Variants in GRM8 observed in about 807,000 individuals in gnomAD.
GRM8 encodes metabotropic glutamate receptor 8.
Under a neutral mutation model 87.2 loss-of-function variants are expected in GRM8, and 47 were observed. That is an observed-to-expected ratio of 0.54 (90% CI 0.43 to 0.69). GRM8 has a LOEUF of 0.69. GRM8 is among the 30% of genes least tolerant of loss of function. The pLI, the probability that GRM8 is intolerant of heterozygous loss-of-function variation, is 0.00. For synonymous variants in GRM8, 396 were observed against 404.5 expected (o/e 0.98, Z 0.25); for missense variants, 1,019 against 1,139.2 (o/e 0.89, Z 1.52).
At chr7:126,519,678 G>A (rs757829551) in intron 9 of GRM8, among the ~76,000 whole-genome samples, 4 of 152,080 alleles carry the variant, frequency 2.6e-5, no homozygotes, top group Admixed American at 6.6e-5. Flanking sequence ...CACCCTGAAC[G>A]TGCCTGATCT....
chr7:126,866,697 T>C lies in GRM8; in HGVS notation c.1156+35845A>G, dbSNP rs1334217004. On this transcript the variant is annotated intron_variant, in intron 6 of 10. Coordinates refer to ENST00000339582, the MANE Select transcript of GRM8 (RefSeq NM_000845.3). ...ACCTCCGCCTCCCCGATTCAAGCAATTCTCCTGCCTCAGCCTCCTGAGTAG... is the reference window on the plus strand; with the variant it reads ...ACCTCCGCCTCCCCGATTCAAGCAACTCTCCTGCCTCAGCCTCCTGAGTAG... Among the ~76,000 whole-genome samples, 5 of 145,980 alleles carry C rather than the reference T, an allele frequency of 3.4e-5. No individual in the cohort carries two copies. The Admixed American group carries it at 3.6e-4, about 11-fold the overall frequency.
intron 7 of GRM8, among the ~76,000 whole-genome samples, chr7:126,756,058 C>A (rs1257626048): frequency 6.6e-6 from 1 of 151,830 alleles, no homozygotes; most frequent in African/African-American, 2.4e-5. Flanking sequence ...GATACATACA[C>A]ACACAATTCT....
At chr7:126,554,548 G>A (rs143484641) in intron 8 of GRM8, among the ~76,000 whole-genome samples, 46 of 152,108 alleles carry the variant, frequency 3.0e-4, no homozygotes, top group African/African-American at 9.6e-4. Context: ...AGTTATGATC[G>A]TGCCACTGCA....
intron 8 of GRM8, among the ~76,000 whole-genome samples, chr7:126,540,385 C>G (rs1423614099): frequency 2.0e-5 from 3 of 152,074 alleles, no homozygotes; most frequent in Non-Finnish European, 4.4e-5. Context: ...TTTGACAATT[C>G]CTTAGAAAGC....
Position 126,956,144 on chromosome 7 carries a change from A to G in GRM8, c.728-51461T>C, listed in dbSNP as rs145286566. ...TTTAAAGCTTTGGGAACAAAAATGT[A>G]TATGTAAAATATTTTAATCTATGTT... On this transcript the variant is annotated intron_variant, in intron 3 of 10. Coordinates refer to ENST00000339582, the MANE Select transcript of GRM8 (RefSeq NM_000845.3). Among the ~76,000 whole-genome samples, 361 of 152,300 alleles carry G rather than the reference A, an allele frequency of 2.4e-3. 2 individuals carry two copies. The highest frequency in any genetic ancestry group is 8.3e-3 in the African/African-American group (347 of 41,568).
chr7:127,124,437 T>G (rs566150503), intron 2 of GRM8, among the ~76,000 whole-genome samples: 18 of 152,304 alleles, frequency 1.2e-4, no homozygotes, highest in African/African-American at 4.1e-4. Context: ...CCTCTAGATA[T>G]TCCTTCTTTG....
chr7:126,564,224 G>T (rs1293996122), intron 8 of GRM8, among the ~76,000 whole-genome samples: 2 of 152,136 alleles, frequency 1.3e-5, no homozygotes, highest in Non-Finnish European at 2.9e-5. Flanking sequence ...CAATAGCAAG[G>T]GCCAAGAGAT....
At chr7:127,244,588 C>T (rs550730485) in intron 1 of GRM8, among the ~76,000 whole-genome samples, 1 of 152,278 alleles carries the variant, frequency 6.6e-6, no homozygotes, top group Admixed American at 6.5e-5. Context: ...TAATCTAATG[C>T]TCATTTCTAA....
At chr7:126,920,514 G>A (rs1246549291) in intron 3 of GRM8, among the ~76,000 whole-genome samples, 1 of 152,136 alleles carries the variant, frequency 6.6e-6, no homozygotes, top group East Asian at 1.9e-4. Context: ...GGCTGGGGAT[G>A]AGGCCAACAG....
At chr7:126,567,861 T>C (rs1258764585) in intron 8 of GRM8, among the ~76,000 whole-genome samples, 1 of 152,018 alleles carries the variant, frequency 6.6e-6, no homozygotes, top group Non-Finnish European at 1.5e-5. Context: ...CATACTTTGA[T>C]TGGACAAAAT....
At chr7:126,636,470 T>C (rs1222443757) in intron 7 of GRM8, among the ~76,000 whole-genome samples, 1 of 152,098 alleles carries the variant, frequency 6.6e-6, no homozygotes, top group Admixed American at 6.6e-5. Flanking sequence ...GCTGTTCCAC[T>C]GTATTGTATA....
intron 9 of GRM8, among the ~76,000 whole-genome samples, chr7:126,467,133 A>G (rs151077329): frequency 1.3e-5 from 2 of 151,486 alleles, no homozygotes; most frequent in African/African-American, 4.8e-5. Context: ...CCCTAATGCT[A>G]TCCCTCTCCT....
At chr7:126,731,900 T>G (rs1194044939) in intron 7 of GRM8, among the ~76,000 whole-genome samples, 2 of 152,020 alleles carry the variant, frequency 1.3e-5, no homozygotes, top group Non-Finnish European at 2.9e-5. Flanking sequence ...TATTTTCCCC[T>G]TTTTAAATGA....
chr7:127,074,770 T>G (rs1822088487), intron 3 of GRM8, among the ~76,000 whole-genome samples: 1 of 152,202 alleles, frequency 6.6e-6, no homozygotes, highest in African/African-American at 2.4e-5. Context: ...GCTAGACTGA[T>G]AATATCTCTT....
chr7:126,546,683 T>G (rs1425230729), intron 8 of GRM8, among the ~76,000 whole-genome samples: 1 of 152,182 alleles, frequency 6.6e-6, no homozygotes, highest in East Asian at 1.9e-4. Context: ...ACAGGACACT[T>G]AGAATAAGGT....
At chr7:126,940,757 TTTG>T (rs532673560) in intron 3 of GRM8, among the ~76,000 whole-genome samples, 2 of 152,114 alleles carry the variant, frequency 1.3e-5, no homozygotes, top group South Asian at 2.1e-4. Flanking sequence ...TTGGGGTCAA[TTTG>T]TTGTTGTTGT....
At chr7:126,952,875 C>T (rs1441587671) in intron 3 of GRM8, among the ~76,000 whole-genome samples, 1 of 151,932 alleles carries the variant, frequency 6.6e-6, no homozygotes, top group Non-Finnish European at 1.5e-5. Context: ...GACATGGGAT[C>T]CTGAACAGAA....
chr7:126,624,119 C>G (rs1800445303), intron 7 of GRM8, among the ~76,000 whole-genome samples: 1 of 152,242 alleles, frequency 6.6e-6, no homozygotes, highest in South Asian at 2.1e-4. Context: ...CAACAATCCA[C>G]TCTCTACCCT....
intron 7 of GRM8, among the ~76,000 whole-genome samples, chr7:126,687,633 C>A (rs1808332139): frequency 6.7e-6 from 1 of 150,202 alleles, no homozygotes; most frequent in Admixed American, 6.7e-5. Context: ...GGTAGATCAT[C>A]TGGTATGCCT....
Sources: gnomAD v4.1 joint callset for allele counts (sites outside exome capture counted in the v4.1 genomes callset) on GRCh38, gnomAD v4.1.1 for gene constraint, MANE v1.5 for transcripts, NCBI Gene and HGNC (gene_info 2026-07-23, HGNC 2026-07-21) for gene names.